The following GJD3 variants were observed in gnomAD, a reference collection of about 807,000 sequenced individuals.
The protein encoded by GJD3 is gap junction delta-3 protein.
For synonymous variants in GJD3, 217 were observed against 226.7 expected, an observed-to-expected ratio of 0.96 and a Z score of 0.38; for missense variants, 421 against 448.5, an observed-to-expected ratio of 0.94 and a Z score of 0.55.
chr17:40,363,341 C>T lies in GJD3; in HGVS notation c.475G>A (p.Gly159Ser). Reference sequence around the variant, plus strand: ...GCGAAGTGCGGGGCCACGCGGAAGCCGTAGAGCAGCGCCTGGCCGCCCAGG... The same window carrying T: ...GCGAAGTGCGGGGCCACGCGGAAGCTGTAGAGCAGCGCCTGGCCGCCCAGG... ...TFLGGQALLY[G>S]FRVAPHFACA... Residue 159 changes from glycine (G) to serine (S), a missense_variant, in exon 1 of 1, where the codon GGC becomes AGC. Gly to Ser is a moderately conservative substitution (Grantham distance 56). Transcript: ENST00000578689. This position sits in a 1 kb window ranked among gnomAD's most constrained non-coding sequence, Gnocchi z 5.5. 7 of 1,417,618 alleles carry T rather than the reference C, an allele frequency of 4.9e-6. No individual in the cohort carries two copies. Among genetic ancestry groups the T allele is most frequent in the Non-Finnish European group, 5.5e-6 (6 of 1,083,338 alleles). The allele number at this position is 1,417,618 out of a possible 1,614,324, so 87.8% of individuals were successfully genotyped here. A position where few individuals can be genotyped will look rare whatever the true frequency, so the allele number is the denominator to read the frequency against.
Position 40,362,918 on chromosome 17 carries a change from G to C in GJD3, c.*13C>G. ...GCCCTCGCCGTCCAGTCCGCGCGAG[G>C]CGGTGCCCGCCCCTAGATGGCCAGA... is the stretch of plus-strand genomic sequence containing the variant. On this transcript the variant is annotated 3_prime_UTR_variant, in exon 1 of 1. Transcript: ENST00000578689. 1 of 1,210,934 alleles carries C rather than the reference G, an allele frequency of 8.3e-7. No individual in the cohort carries two copies. The highest frequency in any genetic ancestry group is 3.5e-5 in the East Asian group (1 of 28,732). The allele number at this position is 1,210,934 out of a possible 1,614,324, so 75.0% of individuals were successfully genotyped here. A position where few individuals can be genotyped will look rare whatever the true frequency, so the allele number is the denominator to read the frequency against.
chr17:40,361,112 GT>G lies in GJD3; in HGVS notation c.*1818del, dbSNP rs1567771876. ...GGGAGCCCTCTCCTTGAAGGTGTCT[GT>G]TTTCTTCCCAAGTGACAACAATAGG... is the stretch of plus-strand genomic sequence containing the variant. On this transcript the variant is annotated 3_prime_UTR_variant, in exon 1 of 1. Transcript: ENST00000578689. The G allele has an allele frequency of 2.3e-6, 1 of 435,528 alleles. No individual in the cohort carries two copies. The highest frequency in any genetic ancestry group is 1.6e-5 in the South Asian group (1 of 61,380). 27.0% of individuals were successfully genotyped at this position (435,528 alleles called of 1,614,324 possible).
Position 40,362,985 on chromosome 17 carries a change from G to A in GJD3, c.831C>T (p.Gly277=). ...HPAPASLREC[G]SGRGKASPAT... is the part of the protein sequence containing the mutation. Reference sequence around the variant, plus strand: ...CCGGTGACGCCTTGCCGCGGCCGCTGCCGCACTCGCGGAGGCTGGCCGGCG... The same window carrying A: ...CCGGTGACGCCTTGCCGCGGCCGCTACCGCACTCGCGGAGGCTGGCCGGCG... The change falls in exon 1 of 1, where the codon GGC becomes GGT. Residue 277 remains glycine, a synonymous_variant. Transcript: ENST00000578689. The A allele has an allele frequency of 8.1e-7, 1 of 1,231,316 alleles. No homozygotes were observed. Among genetic ancestry groups the A allele is most frequent in the South Asian group, 3.1e-5 (1 of 32,580 alleles). The allele number at this position is 1,231,316 out of a possible 1,614,324, so 76.3% of individuals were successfully genotyped here. A position where few individuals can be genotyped will look rare whatever the true frequency, so the allele number is the denominator to read the frequency against.
At position 40,361,813 on chromosome 17, in the gene GJD3, C is replaced by T. The variant is rs948340517; in HGVS notation, c.*1118G>A. ...TTATAGCCTGGGGGAGCAGTAGCGG[C>T]GGGGAGGATGAAGATGGAGGAGGGA... On this transcript the variant is annotated 3_prime_UTR_variant, in exon 1 of 1. Coordinates refer to ENST00000578689, the MANE Select transcript of GJD3 (RefSeq NM_152219.4). Among the ~76,000 whole-genome samples, 2 of 152,058 alleles carry T rather than the reference C, an allele frequency of 1.3e-5. No homozygotes were observed. The highest frequency in any genetic ancestry group is 2.4e-5 in the African/African-American group (1 of 41,398).
chr17:40,362,791 G>C lies in GJD3; in HGVS notation c.*140C>G, dbSNP rs986717941. 9.5e-7 allele frequency: 1 copy of C among 1,051,152 alleles called. No homozygotes were observed. Among genetic ancestry groups the C allele is most frequent in the South Asian group, 4.6e-5 (1 of 21,552 alleles). 65.1% of individuals were successfully genotyped at this position (1,051,152 alleles called of 1,614,324 possible). On this transcript the variant is annotated 3_prime_UTR_variant, in exon 1 of 1. Transcript: ENST00000578689. ...ACGAGGCAAGTGCGATGCCGCCCGC[G>C]GGCCGTCCCCACAACGCGTCTCCTG... is the stretch of plus-strand genomic sequence containing the variant.
At position 40,361,749 on chromosome 17, in the gene GJD3, T is replaced by G. The variant is rs1379083499; in HGVS notation, c.*1182A>C. 1.3e-5 allele frequency among the ~76,000 whole-genome samples: 2 copies of G among 152,112 alleles called. No homozygotes were observed. Among genetic ancestry groups the G allele is most frequent in the Non-Finnish European group, 1.5e-5 (1 of 67,990 alleles). ...AGGCAGGGCCGGGAGCGCGTGTGTT[T>G]TGGGAGCTTTCTCCTGAGGACAGAA... On this transcript the variant is annotated 3_prime_UTR_variant, in exon 1 of 1. Transcript: ENST00000578689.
Position 40,363,229 on chromosome 17 carries a change from G to A in GJD3, c.587C>T (p.Ala196Val), listed in dbSNP as rs1175263897. 1.4e-6 allele frequency: 2 copies of A among 1,447,838 alleles called. No individual in the cohort carries two copies. The highest frequency in any genetic ancestry group is 1.8e-6 in the Non-Finnish European group (2 of 1,098,674). 89.7% of individuals were successfully genotyped at this position (1,447,838 alleles called of 1,614,324 possible). A position where few individuals can be genotyped will look rare whatever the true frequency, so the allele number is the denominator to read the frequency against. ...GAGCAGCGCCGACAGCAGCCCCACC[G>A]CGAAATAGAAGAGCACGAAGACGGT... Reference protein sequence around the residue: ...EKTVFVLFYFAVGLLSALLSV... With the variant: ...EKTVFVLFYFVVGLLSALLSV... Residue 196 changes from alanine to valine, a missense_variant, in exon 1 of 1, where the codon GCG becomes GTG. By Grantham distance (64) the Ala-to-Val change is moderately conservative. Coordinates refer to ENST00000578689, the MANE Select transcript of GJD3 (RefSeq NM_152219.4). This position sits in a 1 kb window ranked among gnomAD's most constrained non-coding sequence, Gnocchi z 5.5.
rs1567771883 is a variant in GJD3 at position 40,361,127 on chromosome 17, G to A, written c.*1804C>T. On this transcript the variant is annotated 3_prime_UTR_variant, in exon 1 of 1. Transcript: ENST00000578689. ...GAAGGTGTCTGTTTTCTTCCCAAGT[G>A]ACAACAATAGGTGGGTGGGCATTAG... The A allele has an allele frequency of 2.4e-6, 1 of 425,434 alleles. No homozygotes were observed. Among genetic ancestry groups the A allele is most frequent in the African/African-American group, 2.0e-5 (1 of 48,890 alleles). 26.4% of individuals were successfully genotyped at this position (425,434 alleles called of 1,614,324 possible).
rs573445596 is a variant in GJD3 at position 40,362,975 on chromosome 17, C to G, written c.841G>C (p.Gly281Arg). 1 of 1,238,128 alleles carries G rather than the reference C, an allele frequency of 8.1e-7. No individual in the cohort carries two copies. Among genetic ancestry groups the G allele is most frequent in the Middle Eastern group, 3.1e-4 (1 of 3,266 alleles). 76.7% of individuals were successfully genotyped at this position (1,238,128 alleles called of 1,614,324 possible). A position where few individuals can be genotyped will look rare whatever the true frequency, so the allele number is the denominator to read the frequency against. The change falls in exon 1 of 1, where the codon GGC (glycine) becomes CGC (arginine). Residue 281 changes from glycine (G) to arginine (R), a missense_variant. Coordinates refer to ENST00000578689, the MANE Select transcript of GJD3 (RefSeq NM_152219.4). ...ASLRECGSGR[G>R]KASPATGRRD... ...CGGCCGGTGGCCGGTGACGCCTTGC[C>G]GCGGCCGCTGCCGCACTCGCGGAGG...
Position 40,363,291 on chromosome 17 carries a change from G to C in GJD3, c.525C>G (p.His175Gln). The C allele has an allele frequency of 6.4e-6, 9 of 1,416,616 alleles. No homozygotes were observed. The highest frequency in any genetic ancestry group is 7.4e-6 in the Non-Finnish European group (8 of 1,080,566). The allele number at this position is 1,416,616 out of a possible 1,614,324, so 87.8% of individuals were successfully genotyped here. ...HFACAGPPCP[H>Q]TVDCFVSRPT... ...GCCGGCTCACGAAGCAGTCGACCGT[G>C]TGCGGGCAGGGCGGACCGGCGCACG... Residue 175 changes from histidine (H) to glutamine (Q), a missense_variant, in exon 1 of 1, where the codon CAC (histidine) becomes CAG (glutamine). His to Gln is a conservative substitution (Grantham distance 24, BLOSUM62 0). Transcript: ENST00000578689. This position sits in a 1 kb window ranked among gnomAD's most constrained non-coding sequence, Gnocchi z 5.5.
Position 40,363,114 on chromosome 17 carries a change from C to A in GJD3, c.702G>T (p.Ala234=), listed in dbSNP as rs1405124418. Residue 234 remains alanine, a synonymous_variant, in exon 1 of 1, where the codon GCG becomes GCT. Transcript: ENST00000578689. This position sits in a 1 kb window ranked among gnomAD's most constrained non-coding sequence, Gnocchi z 5.5. ...DNRCNRAHEE[A]QKLLPPPPPP... ...GCGGCGGCGGCGGGAGCAGCTTCTG[C>A]GCCTCTTCGTGTGCACGGTTGCAGC... 2 of 1,325,168 alleles carry A rather than the reference C, an allele frequency of 1.5e-6. No homozygotes were observed. Among genetic ancestry groups the A allele is most frequent in the African/African-American group, 1.5e-5 (1 of 65,688 alleles). 82.1% of individuals were successfully genotyped at this position (1,325,168 alleles called of 1,614,324 possible). A position where few individuals can be genotyped will look rare whatever the true frequency, so the allele number is the denominator to read the frequency against.
Position 40,363,563 on chromosome 17 carries a change from G to A in GJD3, c.253C>T (p.Leu85Phe). 6.3e-7 allele frequency: 1 copy of A among 1,589,400 alleles called. No homozygotes were observed. Among genetic ancestry groups the A allele is most frequent in the Non-Finnish European group, 8.6e-7 (1 of 1,168,700 alleles). ...YRFWLFHILL[L>F]SAPPVLFVVY... ...ACGAACAGCACCGGGGGCGCCGAGA[G>A]CAGCAGGATGTGGAAGAGCCAGAAG... The change falls in exon 1 of 1, where the codon CTC becomes TTC. Residue 85 changes from leucine (L) to phenylalanine (F), a missense_variant. Physicochemically the swap from Leu to Phe is conservative, Grantham distance 22. Coordinates refer to ENST00000578689, the MANE Select transcript of GJD3 (RefSeq NM_152219.4). This position sits in a 1 kb window ranked among gnomAD's most constrained non-coding sequence, Gnocchi z 5.5.
rs1157727953 is a variant in GJD3 at position 40,363,312 on chromosome 17, G to T, written c.504C>A (p.Cys168Ter). 1.4e-6 allele frequency: 2 copies of T among 1,404,036 alleles called. No individual in the cohort carries two copies. Among genetic ancestry groups the T allele is most frequent in the African/African-American group, 1.5e-5 (1 of 66,844 alleles). The allele number at this position is 1,404,036 out of a possible 1,614,324, so 87.0% of individuals were successfully genotyped here. The part of the protein sequence containing the change: ...YGFRVAPHFA[C>*]AGPPCPHTVD... ...CCGTGTGCGGGCAGGGCGGACCGGC[G>T]CACGCGAAGTGCGGGGCCACGCGGA... The change falls in exon 1 of 1, where the codon TGC (cysteine) becomes TGA (stop). Residue 168 changes from cysteine (C) to a stop codon, truncating the protein, a stop_gained. Transcript: ENST00000578689. LOFTEE classifies it low-confidence loss of function (END_TRUNC). The surrounding 1 kb of genome is among the most constrained non-coding windows in gnomAD (Gnocchi z 5.5).
rs1400828649 is a variant in GJD3 at position 40,363,311 on chromosome 17, C to G, written c.505G>C (p.Ala169Pro). Reference protein sequence around the residue: ...GFRVAPHFACAGPPCPHTVDC... With the variant: ...GFRVAPHFACPGPPCPHTVDC... ...ACCGTGTGCGGGCAGGGCGGACCGGCGCACGCGAAGTGCGGGGCCACGCGG... is the reference window on the plus strand; with the variant it reads ...ACCGTGTGCGGGCAGGGCGGACCGGGGCACGCGAAGTGCGGGGCCACGCGG... Residue 169 changes from alanine to proline, a missense_variant, in exon 1 of 1, where the codon GCC becomes CCC. Coordinates refer to ENST00000578689, the MANE Select transcript of GJD3 (RefSeq NM_152219.4). This position sits in a 1 kb window ranked among gnomAD's most constrained non-coding sequence, Gnocchi z 5.5. 1.0e-5 allele frequency: 14 copies of G among 1,401,936 alleles called. No individual in the cohort carries two copies. In the Admixed American group the frequency reaches 1.4e-4, roughly 14 times the overall value. The allele number at this position is 1,401,936 out of a possible 1,614,324, so 86.8% of individuals were successfully genotyped here. A position where few individuals can be genotyped will look rare whatever the true frequency, so the allele number is the denominator to read the frequency against.
chr17:40,363,521 G>T lies in GJD3; in HGVS notation c.295C>A (p.Arg99=). Residue 99 remains arginine, a synonymous_variant, in exon 1 of 1, where the codon CGG becomes AGG. Coordinates refer to ENST00000578689, the MANE Select transcript of GJD3 (RefSeq NM_152219.4). This position sits in a 1 kb window ranked among gnomAD's most constrained non-coding sequence, Gnocchi z 5.5. ...GCGCCGCCCGCCTCCTTGCCTGCCC[G>T]GTGCATGGAGTAGACGACGAACAGC... The part of the protein sequence containing the change: ...PVLFVVYSMH[R]AGKEAGGAEA... The T allele has an allele frequency of 6.4e-7, 1 of 1,558,994 alleles. No individual in the cohort carries two copies. The highest frequency in any genetic ancestry group is 2.4e-5 in the East Asian group (1 of 41,514).
In GJD3 at chr17:40,363,403, A is replaced by C; in HGVS notation, c.413T>G (p.Leu138Arg). The change falls in exon 1 of 1, where the codon CTG (leucine) becomes CGG (arginine). Residue 138 changes from leucine to arginine, a missense_variant. Coordinates refer to ENST00000578689, the MANE Select transcript of GJD3 (RefSeq NM_152219.4). The surrounding 1 kb of genome is among the most constrained non-coding windows in gnomAD (Gnocchi z 5.5). ...RARRARRCYLLSVALRLLAEL... is the reference protein window; with the variant it reads ...RARRARRCYLRSVALRLLAEL... ...GGCCAGCAGGCGCAGCGCCACGCTC[A>C]GCAGGTAGCAGCGGCGCGCGCGGCG... 1 of 1,337,782 alleles carries C rather than the reference A, an allele frequency of 7.5e-7. No homozygotes were observed. 82.9% of individuals were successfully genotyped at this position (1,337,782 alleles called of 1,614,324 possible).
chr17:40,361,453 G>A lies in GJD3; in HGVS notation c.*1478C>T, dbSNP rs1315785282. Among the ~76,000 whole-genome samples the A allele has an allele frequency of 6.6e-6, 1 of 152,232 alleles. No individual in the cohort carries two copies. The highest frequency in any genetic ancestry group is 1.5e-5 in the Non-Finnish European group (1 of 68,042). ...CTGCTGTGTGGGGCACAGGAGAGCTGAGAAAGACGCCAGGAACTCAGAAGG... is the reference window on the plus strand; with the variant it reads ...CTGCTGTGTGGGGCACAGGAGAGCTAAGAAAGACGCCAGGAACTCAGAAGG... On this transcript the variant is annotated 3_prime_UTR_variant, in exon 1 of 1. Coordinates refer to ENST00000578689, the MANE Select transcript of GJD3 (RefSeq NM_152219.4).
Position 40,362,155 on chromosome 17 carries a change from C to T in GJD3, c.*776G>A, listed in dbSNP as rs950924694. The stretch of plus-strand genomic sequence containing the variant: ...CCCGCAGTGCATATCAGAGATCACA[C>T]ACACACGCGTGCACACACAGAGGTC... On this transcript the variant is annotated 3_prime_UTR_variant, in exon 1 of 1. Coordinates refer to ENST00000578689, the MANE Select transcript of GJD3 (RefSeq NM_152219.4). Among the ~76,000 whole-genome samples the T allele has an allele frequency of 6.6e-6, 1 of 152,156 alleles. No homozygotes were observed. Among genetic ancestry groups the T allele is most frequent in the Admixed American group, 6.5e-5 (1 of 15,290 alleles).
rs2034761700 is a variant in GJD3, at chr17:40,362,592, T to C, written c.*339A>G. Among the ~76,000 whole-genome samples the C allele has an allele frequency of 6.6e-6, 1 of 152,132 alleles. No individual in the cohort carries two copies. The highest frequency in any genetic ancestry group is 2.4e-5 in the African/African-American group (1 of 41,424). ...GCATCACAGTTGTTTTTGTCCCCAGTAAAACAACCACTCTCCACCTTCCGC... is the reference window on the plus strand; with the variant it reads ...GCATCACAGTTGTTTTTGTCCCCAGCAAAACAACCACTCTCCACCTTCCGC... On this transcript the variant is annotated 3_prime_UTR_variant, in exon 1 of 1. Coordinates refer to ENST00000578689, the MANE Select transcript of GJD3 (RefSeq NM_152219.4).
Sources: allele counts gnomAD v4.1 joint callset (sites outside exome capture counted in the v4.1 genomes callset), GRCh38; gene constraint gnomAD v4.1.1; non-coding constraint Gnocchi (gnomAD v3.1); transcripts MANE v1.5; gene names NCBI Gene and HGNC (gene_info 2026-07-23, HGNC 2026-07-21).